Variants in GRIA1 observed in about 807,000 individuals in gnomAD.
GRIA1 encodes glutamate ionotropic receptor AMPA type subunit 1, also known as glutamate receptor 1.
GRIA1 carries 31 observed loss-of-function variants against 99.2 expected under a neutral mutation model. The ratio of observed to expected loss-of-function variants is 0.31; its 90% CI spans 0.23 to 0.42. The LOEUF (loss-of-function observed/expected upper bound fraction) is 0.42, where lower values mean the gene tolerates loss of function less well. Among genes scored for constraint, GRIA1 ranks in the 10% least tolerant of loss-of-function variants. The pLI is 1.00. For missense variants in GRIA1, 782 were observed against 1,157.5 expected, an observed-to-expected ratio of 0.68 and a Z score of 4.71; for synonymous variants, 438 against 432.4, an observed-to-expected ratio of 1.01 and a Z score of -0.16.
At chr5:153,582,396 A>G (rs1206821924) in intron 2 of GRIA1, among the ~76,000 whole-genome samples, 1 of 152,178 alleles carries the variant, frequency 6.6e-6, no homozygotes, top group African/African-American at 2.4e-5. Context: ...GAAGATTCAT[A>G]GCTTTTATTA....
intron 2 of GRIA1, among the ~76,000 whole-genome samples, chr5:153,605,924 G>T (rs575153730): frequency 1.3e-5 from 2 of 152,030 alleles, no homozygotes; most frequent in Admixed American, 1.3e-4. Flanking sequence ...GGTATCTCTT[G>T]CTGTGCAGGA....
chr5:153,519,351 T>A (rs187795417), intron 2 of GRIA1, among the ~76,000 whole-genome samples: 1 of 152,148 alleles, frequency 6.6e-6, no homozygotes, highest in African/African-American at 2.4e-5. Context: ...CTCAGCACTC[T>A]GTTTTAACAG....
intron 11 of GRIA1, among the ~76,000 whole-genome samples, chr5:153,754,191 G>A (rs1417891088): frequency 6.6e-6 from 1 of 152,182 alleles, no homozygotes; most frequent in Non-Finnish European, 1.5e-5. Context: ...CTGGGAAAAT[G>A]TAACTTTCCT....
intron 2 of GRIA1, among the ~76,000 whole-genome samples, chr5:153,605,838 A>G (rs996298237): frequency 1.3e-5 from 2 of 152,176 alleles, no homozygotes; most frequent in Non-Finnish European, 2.9e-5. Flanking sequence ...GGTATTCTAA[A>G]TGTGAGCCTT....
In GRIA1 at chr5:153,812,519, T is replaced by A. The variant is rs1406806667; in HGVS notation, c.*1294T>A. ...GAAAGTGAGATAACCAAGGAAATAA[T>A]TGAAGGAGTATAGGGAGATGGATTA... On this transcript the variant is annotated 3_prime_UTR_variant, in exon 16 of 16. Coordinates refer to ENST00000285900, the MANE Select transcript of GRIA1 (RefSeq NM_000827.4). 1 of 152,180 alleles carries A rather than the reference T, an allele frequency of 6.6e-6. No homozygotes were observed. Among genetic ancestry groups the A allele is most frequent in the African/African-American group, 2.4e-5 (1 of 41,436 alleles). 9.4% of individuals were successfully genotyped at this position (152,180 alleles called of 1,614,324 possible). A position where few individuals can be genotyped will look rare whatever the true frequency, so the allele number is the denominator to read the frequency against.
intron 7 of GRIA1, among the ~76,000 whole-genome samples, chr5:153,677,989 G>A (rs1054369484): frequency 6.6e-6 from 1 of 152,136 alleles, no homozygotes; most frequent in Non-Finnish European, 1.5e-5. Context: ...CTGTATTTCC[G>A]AAGGGACAGG....
At chr5:153,559,874 C>T (rs1760969566) in intron 2 of GRIA1, among the ~76,000 whole-genome samples, 2 of 152,116 alleles carry the variant, frequency 1.3e-5, no homozygotes, top group Non-Finnish European at 2.9e-5. Context: ...GCTCCTACTT[C>T]CTTGAGTTCA....
At position 153,498,521 on chromosome 5, in the gene GRIA1, C is replaced by T. The variant is rs148399261; in HGVS notation, c.220+4456C>T. ...AATGACAATAGGTGAAAGGTAGCAA[C>T]CCTAACTACAGTGGGATGCCCTCTG... On this transcript the variant is annotated intron_variant, in intron 2 of 15. Transcript: ENST00000285900. Among the ~76,000 whole-genome samples the T allele has an allele frequency of 5.3e-5, 8 of 152,256 alleles. No individual in the cohort carries two copies. The East Asian group carries it at 1.4e-3, about 26-fold the overall frequency.
chr5:153,595,609 T>C (rs1245267510), intron 2 of GRIA1, among the ~76,000 whole-genome samples: 1 of 151,918 alleles, frequency 6.6e-6, no homozygotes, highest in Non-Finnish European at 1.5e-5. Flanking sequence ...TATATCAATA[T>C]GGATTCAAGG....
At chr5:153,757,083 T>G (rs1762880737) in intron 11 of GRIA1, among the ~76,000 whole-genome samples, 1 of 152,006 alleles carries the variant, frequency 6.6e-6, no homozygotes, top group Admixed American at 6.6e-5. Flanking sequence ...GAGAAAAAAT[T>G]CAGCAATTTA....
intron 2 of GRIA1, among the ~76,000 whole-genome samples, chr5:153,609,521 C>A (rs1319155164): frequency 6.6e-6 from 1 of 151,606 alleles, no homozygotes; most frequent in Non-Finnish European, 1.5e-5. Flanking sequence ...CACCTTAGCC[C>A]AGTGACTTTG....
chr5:153,725,395 GAA>G (rs1306407311), intron 11 of GRIA1, among the ~76,000 whole-genome samples: 1 of 148,834 alleles, frequency 6.7e-6, no homozygotes, highest in Admixed American at 6.7e-5. Context: ...TCACACATAA[GAA>G]TATTAACTTT....
chr5:153,515,757 T>C (rs967225342), intron 2 of GRIA1, among the ~76,000 whole-genome samples: 2 of 152,204 alleles, frequency 1.3e-5, no homozygotes, highest in African/African-American at 2.4e-5. Context: ...TAAAAACAAA[T>C]TTTTTAAAAA....
intron 15 of GRIA1, among the ~76,000 whole-genome samples, chr5:153,803,805 T>A (rs1766217051): frequency 6.6e-6 from 1 of 152,196 alleles, no homozygotes; most frequent in South Asian, 2.1e-4. Context: ...CTTGGATCCA[T>A]ACATAGCCTC....
intron 2 of GRIA1, among the ~76,000 whole-genome samples, chr5:153,498,051 C>G (rs894877636): frequency 3.3e-5 from 5 of 152,128 alleles, no homozygotes; most frequent in African/African-American, 1.2e-4. Context: ...AGTTCCAGCA[C>G]AGAGACTGAG....
intron 14 of GRIA1, among the ~76,000 whole-genome samples, chr5:153,800,955 G>A (rs755808439): frequency 6.6e-6 from 1 of 152,206 alleles, no homozygotes; most frequent in Admixed American, 6.5e-5. Context: ...CCACCAACTA[G>A]CCAACGATGG....
chr5:153,758,427 G>T (rs921806103), intron 11 of GRIA1, among the ~76,000 whole-genome samples: 3 of 151,690 alleles, frequency 2.0e-5, no homozygotes, highest in Non-Finnish European at 4.4e-5. Context: ...TCAGAAAAAA[G>T]TACATTTTCA....
At chr5:153,600,226 C>T (rs531349392) in intron 2 of GRIA1, among the ~76,000 whole-genome samples, 11 of 151,650 alleles carry the variant, frequency 7.3e-5, no homozygotes, top group African/African-American at 2.7e-4. Context: ...ACTGTCTCTA[C>T]TAAAAATACA....
intron 15 of GRIA1, among the ~76,000 whole-genome samples, chr5:153,809,397 G>T (rs1260384339): frequency 1.3e-5 from 2 of 152,190 alleles, no homozygotes; most frequent in African/African-American, 4.8e-5. Flanking sequence ...ACCAGTGTGG[G>T]TGGTGCATCA....
Sources: gnomAD v4.1 joint callset for allele counts (sites outside exome capture counted in the v4.1 genomes callset) on GRCh38, gnomAD v4.1.1 for gene constraint, MANE v1.5 for transcripts, NCBI Gene and HGNC (gene_info 2026-07-23, HGNC 2026-07-21) for gene names.